TENM4: variants seen among roughly 807,000 people sequenced by gnomAD.
TENM4 encodes teneurin-4.
Under a neutral mutation model 243.3 loss-of-function variants are expected in TENM4, and 82 were observed. The observed-to-expected ratio is 0.34, with a 90% CI of 0.28 to 0.40. The LOEUF is 0.40. TENM4 is among the 10% of genes least tolerant of loss of function. The pLI, the probability that TENM4 is intolerant of heterozygous loss-of-function variation, is 1.00. For missense variants in TENM4, 3,138 were observed against 3,673.3 expected (o/e 0.85, Z 3.77); for synonymous variants, 1,412 against 1,456.3 (o/e 0.97, Z 0.69).
intron 1 of TENM4, among the ~76,000 whole-genome samples, chr11:79,303,226 G>A (rs1380338874): frequency 6.6e-6 from 1 of 152,166 alleles, no homozygotes; most frequent in African/African-American, 2.4e-5. Context: ...AACTGGTGAG[G>A]TCCACTAGGT....
At chr11:79,176,995 T>C (rs2079619618) in intron 3 of TENM4, among the ~76,000 whole-genome samples, 1 of 152,112 alleles carries the variant, frequency 6.6e-6, no homozygotes, top group African/African-American at 2.4e-5. Flanking sequence ...TCTGCTCTGG[T>C]TTCACCCCTT....
At position 78,702,418 on chromosome 11, in the gene TENM4, A is replaced by C. The variant is rs1590951078; in HGVS notation, c.4210-15T>G. The C allele has an allele frequency of 6.3e-7, 1 of 1,599,484 alleles. No homozygotes were observed. Among genetic ancestry groups the C allele is most frequent in the East Asian group, 2.2e-5 (1 of 44,756 alleles). On this transcript the variant is annotated splice_polypyrimidine_tract_variant and intron_variant, in intron 27 of 33. Transcript: ENST00000278550. ...TCCAGGTGAACCTGACAATGAAGAC[A>C]CCGATACTCAAATGACTGGCAAGAT...
chr11:79,223,192 G>A (rs977912538), intron 2 of TENM4, among the ~76,000 whole-genome samples: 1 of 152,154 alleles, frequency 6.6e-6, no homozygotes, highest in South Asian at 2.1e-4. Flanking sequence ...GAAAGATCGT[G>A]TGTTTAGAGG....
intron 1 of TENM4, among the ~76,000 whole-genome samples, chr11:79,360,336 G>C (rs1360358766): frequency 1.3e-5 from 2 of 152,176 alleles, no homozygotes; most frequent in Non-Finnish European, 2.9e-5. Context: ...TAATGTATGT[G>C]ATCAGGCAGA....
At chr11:78,888,471 T>C (rs1462065764) in intron 9 of TENM4, among the ~76,000 whole-genome samples, 2 of 152,254 alleles carry the variant, frequency 1.3e-5, no homozygotes, top group Non-Finnish European at 2.9e-5. Flanking sequence ...CCTCCCTCTT[T>C]GCAGGACTGT....
intron 12 of TENM4, among the ~76,000 whole-genome samples, chr11:78,844,263 T>A (rs1858331863): frequency 1.3e-5 from 2 of 152,178 alleles, no homozygotes; most frequent in South Asian, 4.1e-4. Flanking sequence ...TGACTGTATT[T>A]GGAGATAGGG....
At chr11:78,778,327 C>CGGGGGG (rs60605894) in intron 17 of TENM4, among the ~76,000 whole-genome samples, 5 of 120,124 alleles carry the variant, frequency 4.2e-5, no homozygotes, top group East Asian at 2.4e-4. Context: ...GTATGTGGGG[C>CGGGGGG]GGGGGGAGGG....
chr11:78,953,101 T>C (rs1270307324), intron 6 of TENM4, among the ~76,000 whole-genome samples: 1 of 152,198 alleles, frequency 6.6e-6, no homozygotes, highest in Non-Finnish European at 1.5e-5. Flanking sequence ...GAAGGCCAGC[T>C]GACCAGAAGG....
intron 6 of TENM4, among the ~76,000 whole-genome samples, chr11:78,972,997 G>T (rs1857577152): frequency 6.6e-6 from 1 of 152,200 alleles, no homozygotes; most frequent in South Asian, 2.1e-4. Flanking sequence ...CCAAATTGAA[G>T]CAACGATTAG....
chr11:78,919,010 G>C (rs934898905), intron 6 of TENM4, among the ~76,000 whole-genome samples: 5 of 152,136 alleles, frequency 3.3e-5, no homozygotes. Flanking sequence ...TACCTACTCA[G>C]AGATTGAAGC....
At chr11:79,193,495 T>C (rs1863559443) in intron 3 of TENM4, among the ~76,000 whole-genome samples, 1 of 152,202 alleles carries the variant, frequency 6.6e-6, no homozygotes, top group African/African-American at 2.4e-5. Flanking sequence ...ACAAAGCTTG[T>C]GGCCCGGCCG....
chr11:78,770,875 TC>T, intron 18 of TENM4, 116 bp downstream of exon 18: 1 of 1,389,884 alleles, frequency 7.2e-7, no homozygotes, highest in Non-Finnish European at 9.6e-7. Flanking sequence ...GCCCCGCAGG[TC>T]CCCCTGACTG....
intron 2 of TENM4, among the ~76,000 whole-genome samples, chr11:79,288,485 T>C (rs1411692234): frequency 6.6e-6 from 1 of 152,226 alleles, no homozygotes; most frequent in Non-Finnish European, 1.5e-5. Context: ...CTCCGCTGAT[T>C]CCACAGGGAA....
At chr11:78,946,915 CAA>C (rs1351299959) in intron 6 of TENM4, among the ~76,000 whole-genome samples, 1 of 152,068 alleles carries the variant, frequency 6.6e-6, no homozygotes, top group Non-Finnish European at 1.5e-5. Context: ...TATGGATGAG[CAA>C]AGAGAGTGGT....
intron 6 of TENM4, among the ~76,000 whole-genome samples, chr11:78,923,181 T>A (rs1217706708): frequency 6.6e-6 from 1 of 152,144 alleles, no homozygotes; most frequent in African/African-American, 2.4e-5. Context: ...CCCAGAGCCC[T>A]GCACTCAGAG....
intron 7 of TENM4, among the ~76,000 whole-genome samples, chr11:78,892,846 T>C (rs1249468420): frequency 6.6e-6 from 1 of 152,238 alleles, no homozygotes; most frequent in Non-Finnish European, 1.5e-5. Flanking sequence ...AGAGCCAAGC[T>C]GGAGCCTGGG....
intron 1 of TENM4, among the ~76,000 whole-genome samples, chr11:79,334,651 G>A (rs941253783): frequency 1.3e-5 from 2 of 152,204 alleles, no homozygotes; most frequent in East Asian, 3.8e-4. Context: ...TGCAAGATAG[G>A]TTCAAAGAAA....
At chr11:78,696,368 C>A (rs1212505897) in intron 28 of TENM4, among the ~76,000 whole-genome samples, 1 of 152,156 alleles carries the variant, frequency 6.6e-6, no homozygotes, top group Non-Finnish European at 1.5e-5. Context: ...ACACCTGTGT[C>A]ATACCTGAAC....
intron 6 of TENM4, among the ~76,000 whole-genome samples, chr11:79,021,254 T>C (rs1487923680): frequency 6.6e-6 from 1 of 152,214 alleles, no homozygotes; most frequent in African/African-American, 2.4e-5. Flanking sequence ...CCATTTACCA[T>C]TCATTCACGG....
Sources: allele counts gnomAD v4.1 joint callset (sites outside exome capture counted in the v4.1 genomes callset), GRCh38; gene constraint gnomAD v4.1.1; transcripts MANE v1.5; gene names NCBI Gene and HGNC (gene_info 2026-07-23, HGNC 2026-07-21).